Variants in GAN observed in about 807,000 individuals in gnomAD.
GAN encodes epididymis secretory sperm binding protein.
In GAN, 48 loss-of-function variants were observed where a neutral mutation model predicts 71.3. The ratio of observed to expected loss-of-function variants is 0.67; its 90% CI spans 0.53 to 0.86. The LOEUF (loss-of-function observed/expected upper bound fraction) is 0.86. GAN is among the 40% of genes least tolerant of loss of function. The pLI is 0.00. For synonymous variants in GAN, 386 were observed against 276.8 expected, an observed-to-expected ratio of 1.39 and a Z score of -3.92; for missense variants, 928 against 770.1, an observed-to-expected ratio of 1.21 and a Z score of -2.43.
intron 7 of GAN, 43 bp downstream of exon 7, chr16:81,363,986 G>A (rs1567495545): frequency 2.1e-6 from 3 of 1,448,364 alleles, no homozygotes; most frequent in South Asian, 2.3e-5. Context: ...GTACACATTG[G>A]ATTTTAAACT....
chr16:81,336,092 A>C (rs1157509273), intron 1 of GAN, among the ~76,000 whole-genome samples: 2 of 152,324 alleles, frequency 1.3e-5, no homozygotes, highest in East Asian at 3.9e-4. Flanking sequence ...GTCTTCCGAC[A>C]GGACAAATCC....
chr16:81,374,777 G>C (rs1904275887), intron 9 of GAN, among the ~76,000 whole-genome samples: 2 of 152,130 alleles, frequency 1.3e-5, no homozygotes, highest in Admixed American at 6.5e-5. Flanking sequence ...CTCTGCCTCA[G>C]CTCTGGGATC....
chr16:81,325,135 G>A (rs991425045), intron 1 of GAN, among the ~76,000 whole-genome samples: 1 of 152,202 alleles, frequency 6.6e-6, no homozygotes, highest in Non-Finnish European at 1.5e-5. Context: ...ACTTACAGTA[G>A]GCATTAAAGT....
chr16:81,351,608 A>G lies in GAN; in HGVS notation c.193A>G (p.Lys65Glu). Residue 65 changes from lysine (K) to glutamate (E), a missense_variant, in exon 2 of 11, where the codon AAA becomes GAA. Physicochemically the swap from Lys to Glu is moderately conservative, Grantham distance 56. Transcript: ENST00000648994. The part of the protein sequence containing the change: ...IRTKLNYNPP[K>E]DDGSTYKIEL... ...GACAAAGTTAAACTATAATCCTCCAAAAGATGATGGATCAACTTATAAGAT... is the reference window on the plus strand; with the variant it reads ...GACAAAGTTAAACTATAATCCTCCAGAAGATGATGGATCAACTTATAAGAT... The G allele has an allele frequency of 6.6e-7, 1 of 1,526,562 alleles. No homozygotes were observed. Among genetic ancestry groups the G allele is most frequent in the Non-Finnish European group, 9.1e-7 (1 of 1,099,826 alleles). 94.6% of individuals were successfully genotyped at this position (1,526,562 alleles called of 1,614,324 possible). A position where few individuals can be genotyped will look rare whatever the true frequency, so the allele number is the denominator to read the frequency against.
chr16:81,376,604 ATATG>A (rs1445931750), intron 9 of GAN, among the ~76,000 whole-genome samples: 1 of 150,430 alleles, frequency 6.6e-6, no homozygotes, highest in Non-Finnish European at 1.5e-5. Flanking sequence ...AGTATATATT[ATATG>A]TATGTATATG....
chr16:81,315,683 A>T (rs1909012587), intron 1 of GAN, among the ~76,000 whole-genome samples: 1 of 151,816 alleles, frequency 6.6e-6, no homozygotes, highest in Admixed American at 6.5e-5. Flanking sequence ...GGGAAGAGTC[A>T]CCCCCTCGCC....
chr16:81,370,050 A>T (rs916597677), intron 9 of GAN, among the ~76,000 whole-genome samples: 9 of 152,196 alleles, frequency 5.9e-5, no homozygotes, highest in African/African-American at 2.2e-4. Flanking sequence ...TCTTCATACC[A>T]ATTTGCAAGG....
At chr16:81,323,923 TC>T (rs1015337514) in intron 1 of GAN, among the ~76,000 whole-genome samples, 38 of 152,246 alleles carry the variant, frequency 2.5e-4, no homozygotes, top group African/African-American at 8.0e-4. Flanking sequence ...TATTTATTTT[TC>T]TATCTCTGTG....
At chr16:81,318,952 C>T (rs1433155188) in intron 1 of GAN, among the ~76,000 whole-genome samples, 2 of 152,070 alleles carry the variant, frequency 1.3e-5, no homozygotes, top group Non-Finnish European at 1.5e-5. Context: ...TGCTCCTTTC[C>T]CAAAGCTTTT....
chr16:81,336,412 TATTTC>T (rs1197539779), intron 1 of GAN, among the ~76,000 whole-genome samples: 6 of 152,180 alleles, frequency 3.9e-5, no homozygotes, highest in African/African-American at 4.8e-5. Flanking sequence ...TGCAAATTGA[TATTTC>T]ATTTAAGTTG....
chr16:81,366,415 T>C lies in GAN; in HGVS notation c.1502+937T>C, dbSNP rs375248884. Among the ~76,000 whole-genome samples the C allele has an allele frequency of 2.5e-3, 386 of 152,342 alleles. 2 individuals carry two copies. The highest frequency in any genetic ancestry group is 4.1e-3 in the Non-Finnish European group (277 of 68,034). On this transcript the variant is annotated intron_variant, in intron 9 of 10. Transcript: ENST00000648994. Reference sequence around the variant, plus strand: ...GATGTCTTCTCTCTTTCCTCACACATTTTATTGTTGTAACCACTGAGCAGT... The same window carrying C: ...GATGTCTTCTCTCTTTCCTCACACACTTTATTGTTGTAACCACTGAGCAGT...
intron 2 of GAN, among the ~76,000 whole-genome samples, chr16:81,353,554 G>A (rs913095742): frequency 1.3e-5 from 2 of 152,118 alleles, no homozygotes; most frequent in African/African-American, 4.8e-5. Flanking sequence ...TTAAAAATCT[G>A]TGGTACAAAA....
chr16:81,323,000 T>C (rs1909267845), intron 1 of GAN, among the ~76,000 whole-genome samples: 1 of 152,196 alleles, frequency 6.6e-6, no homozygotes, highest in South Asian at 2.1e-4. Context: ...TTCCCTGATA[T>C]TCGTGTTTGC....
At chr16:81,355,382 G>T (rs1180789034) in intron 3 of GAN, among the ~76,000 whole-genome samples, 1 of 152,196 alleles carries the variant, frequency 6.6e-6, no homozygotes, top group Non-Finnish European at 1.5e-5. Flanking sequence ...GGGGCAGAGA[G>T]TCTCAGTCTG....
In GAN at chr16:81,377,411, TTAGGTACC is replaced by T. The variant is rs766605368; in HGVS notation, c.1613-3_1617del. 1 of 1,613,572 alleles carries T rather than the reference TTAGGTACC, an allele frequency of 6.2e-7. No individual in the cohort carries two copies. Reference sequence around the variant, plus strand: ...TCTCACCCTTGCTTATTTCTGTGGCTTAGGTACCAATTACGACTACGTGCGTGAGTTTA... The same window carrying T: ...TCTCACCCTTGCTTATTTCTGTGGCTAATTACGACTACGTGCGTGAGTTTA... On this transcript the variant is annotated splice_acceptor_variant and splice_polypyrimidine_tract_variant and coding_sequence_variant and intron_variant, in exon 11 of 11. Transcript: ENST00000648994. LOFTEE classifies it high-confidence loss of function.
chr16:81,323,155 G>C (rs113172064), intron 1 of GAN, among the ~76,000 whole-genome samples: 1 of 152,192 alleles, frequency 6.6e-6, no homozygotes. Context: ...TTCCTTACAT[G>C]AAAGTTGGTA....
chr16:81,335,694 C>G (rs536269260), intron 1 of GAN, among the ~76,000 whole-genome samples: 4 of 140,626 alleles, frequency 2.8e-5, no homozygotes, highest in Non-Finnish European at 4.5e-5. Context: ...TTGCAGTGAG[C>G]CAAGATCACG....
intron 9 of GAN, among the ~76,000 whole-genome samples, chr16:81,369,780 C>T (rs1480512356): frequency 1.3e-5 from 2 of 152,126 alleles, no homozygotes; most frequent in Non-Finnish European, 2.9e-5. Context: ...GGCAGGGTTT[C>T]ACCGTGGTCT....
chr16:81,375,416 A>G (rs1289785132), intron 9 of GAN, among the ~76,000 whole-genome samples: 1 of 141,948 alleles, frequency 7.0e-6, no homozygotes, highest in Non-Finnish European at 1.5e-5. Context: ...AACTCACTGC[A>G]GCCTTGACCT....
Sources: gnomAD v4.1 joint callset for allele counts (sites outside exome capture counted in the v4.1 genomes callset) on GRCh38, gnomAD v4.1.1 for gene constraint, MANE v1.5 for transcripts, NCBI Gene and HGNC (gene_info 2026-07-23, HGNC 2026-07-21) for gene names.